Variants in OPCML observed in about 807,000 individuals in gnomAD.
OPCML encodes the protein opioid-binding protein/cell adhesion molecule.
OPCML carries 13 observed loss-of-function variants against 37.8 expected under a neutral mutation model. The observed-to-expected ratio is 0.34, with a 90% CI of 0.22 to 0.55. The LOEUF is 0.55. Ranked by LOEUF, OPCML falls within the 20% of genes least tolerant of loss-of-function variation. The probability of loss-of-function intolerance (pLI) is 0.91; values close to 1 mark genes in which losing one functional copy is unlikely to be tolerated. For synonymous variants in OPCML, 176 were observed against 168.8 expected (o/e 1.04, Z -0.33); for missense variants, 341 against 435.6 (o/e 0.78, Z 1.93).
intron 1 of OPCML, among the ~76,000 whole-genome samples, chr11:133,094,051 C>A (rs551833613): frequency 3.9e-5 from 6 of 152,098 alleles, no homozygotes; most frequent in African/African-American, 1.4e-4. Flanking sequence ...GTCTAAATAT[C>A]AGCCTTATTT....
chr11:132,988,650 C>T (rs1461774096), intron 1 of OPCML, among the ~76,000 whole-genome samples: 1 of 152,168 alleles, frequency 6.6e-6, no homozygotes, highest in African/African-American at 2.4e-5. Flanking sequence ...CTCTCTAGTT[C>T]TGACACAATG....
chr11:133,160,624 C>T (rs1950128724), intron 1 of OPCML, among the ~76,000 whole-genome samples: 1 of 152,236 alleles, frequency 6.6e-6, no homozygotes, highest in Non-Finnish European at 1.5e-5. Flanking sequence ...TCTTGCCTCC[C>T]AACCTTCTTC....
intron 2 of OPCML, among the ~76,000 whole-genome samples, chr11:132,809,594 C>T (rs1591639376): frequency 6.6e-6 from 1 of 152,130 alleles, no homozygotes; most frequent in African/African-American, 2.4e-5. Flanking sequence ...CTGGAGTCTC[C>T]AGTAAGCATA....
chr11:133,452,744 A>G (rs1279282172), intron 1 of OPCML, among the ~76,000 whole-genome samples: 2 of 151,740 alleles, frequency 1.3e-5, no homozygotes, highest in Non-Finnish European at 2.9e-5. Flanking sequence ...GAGACATTTA[A>G]CCACAGTGGA....
At chr11:133,198,591 T>TGGGAGACAAGA in intron 1 of OPCML, among the ~76,000 whole-genome samples, 1 of 152,320 alleles carries the variant, frequency 6.6e-6, no homozygotes, top group Admixed American at 6.5e-5. Flanking sequence ...GAGGGCAGCA[T>TGGGAGACAAGA]GGGAACACGT....
intron 1 of OPCML, among the ~76,000 whole-genome samples, chr11:133,433,756 C>T (rs527381747): frequency 2.6e-4 from 39 of 152,222 alleles, no homozygotes; most frequent in African/African-American, 8.7e-4. Context: ...CACATCTTCC[C>T]CCTTAACCCA....
At chr11:132,735,341 A>T (rs1945218195) in intron 2 of OPCML, among the ~76,000 whole-genome samples, 1 of 152,180 alleles carries the variant, frequency 6.6e-6, no homozygotes, top group South Asian at 2.1e-4. Context: ...AGGGCTTCTT[A>T]GAAGTTTAAA....
intron 1 of OPCML, among the ~76,000 whole-genome samples, chr11:133,050,038 T>C (rs962551059): frequency 6.6e-6 from 1 of 152,242 alleles, no homozygotes; most frequent in Non-Finnish European, 1.5e-5. Flanking sequence ...TCTGTGGGCA[T>C]GACTTAACAA....
intron 1 of OPCML, among the ~76,000 whole-genome samples, chr11:132,973,527 C>T (rs1004378874): frequency 2.0e-5 from 3 of 152,150 alleles, no homozygotes; most frequent in African/African-American, 7.2e-5. Context: ...CTTCTTTGCT[C>T]AATAATCTTT....
At chr11:132,541,512 C>G (rs1565650006) in intron 3 of OPCML, among the ~76,000 whole-genome samples, 1 of 119,080 alleles carries the variant, frequency 8.4e-6, no homozygotes. Context: ...TATTCTATAT[C>G]CAGATTTTTT....
At chr11:132,834,603 G>C (rs1430774390) in intron 2 of OPCML, among the ~76,000 whole-genome samples, 3 of 152,212 alleles carry the variant, frequency 2.0e-5, no homozygotes, top group Non-Finnish European at 4.4e-5. Flanking sequence ...TTTACAGACT[G>C]TCTTCCCTCT....
rs1450814464 is a variant in OPCML, at chr11:133,208,321, C to T, written c.62-265311G>A. Among the ~76,000 whole-genome samples, 1 of 152,152 alleles carries T rather than the reference C, an allele frequency of 6.6e-6. No homozygotes were observed. The highest frequency in any genetic ancestry group is 1.5e-5 in the Non-Finnish European group (1 of 68,026). ...GAATGCGGGACAGAAGCCTACACTA[C>T]CGTGTGTTCTACTACATTCAGTATC... On this transcript the variant is annotated intron_variant, in intron 1 of 7. Transcript: ENST00000524381. The surrounding 1 kb of genome is among the most constrained non-coding windows in gnomAD (Gnocchi z 8.9).
chr11:132,628,402 G>T (rs1483260918), intron 3 of OPCML, among the ~76,000 whole-genome samples: 5 of 152,218 alleles, frequency 3.3e-5, no homozygotes, highest in Admixed American at 1.3e-4. Flanking sequence ...TGACATGTGT[G>T]TGATTCCTGT....
chr11:132,801,711 A>C (rs978130985), intron 2 of OPCML, among the ~76,000 whole-genome samples: 1 of 152,190 alleles, frequency 6.6e-6, no homozygotes, highest in Admixed American at 6.5e-5. Flanking sequence ...TTTTGTGTTT[A>C]AAATCGCTTC....
At chr11:132,652,349 AACACAC>A (rs5795793) in intron 3 of OPCML, among the ~76,000 whole-genome samples, 167 of 142,636 alleles carry the variant, frequency 1.2e-3, no homozygotes, top group South Asian at 3.0e-3. Context: ...AAGAATGACA[AACACAC>A]ACACACACAC....
intron 1 of OPCML, among the ~76,000 whole-genome samples, chr11:133,417,760 A>G (rs1945800201): frequency 6.6e-6 from 1 of 151,910 alleles, no homozygotes; most frequent in Non-Finnish European, 1.5e-5. Flanking sequence ...ATTCGGGAGG[A>G]GACCACCAAT....
At chr11:133,243,213 C>A (rs1301955487) in intron 1 of OPCML, among the ~76,000 whole-genome samples, 2 of 152,148 alleles carry the variant, frequency 1.3e-5, no homozygotes. Context: ...GAAAGAATAT[C>A]TAGTGCAGTA....
At chr11:132,730,840 A>AG (rs1265305768) in intron 2 of OPCML, among the ~76,000 whole-genome samples, 2 of 152,180 alleles carry the variant, frequency 1.3e-5, no homozygotes, top group Non-Finnish European at 2.9e-5. Flanking sequence ...CATCACATGA[A>AG]GCCTGTATTT....
At chr11:133,090,137 C>A (rs192658501) in intron 1 of OPCML, among the ~76,000 whole-genome samples, 1 of 152,252 alleles carries the variant, frequency 6.6e-6, no homozygotes, top group South Asian at 2.1e-4. Context: ...GCATCCTCTC[C>A]GCCCTTACTA....
Sources: gnomAD v4.1 joint callset for allele counts (sites outside exome capture counted in the v4.1 genomes callset) on GRCh38, gnomAD v4.1.1 for gene constraint, Gnocchi (gnomAD v3.1) non-coding constraint, MANE v1.5 for transcripts, NCBI Gene and HGNC (gene_info 2026-07-23, HGNC 2026-07-21) for gene names.